The following NHEJ1 variants were observed in gnomAD, a reference collection of about 807,000 sequenced individuals.
NHEJ1 encodes non-homologous end-joining factor 1.
In NHEJ1, 22 loss-of-function variants were observed where a neutral mutation model predicts 39.4. That is an observed-to-expected ratio of 0.56 (90% CI 0.40 to 0.80). The LOEUF is 0.80. Ranked by LOEUF, NHEJ1 falls within the 30% of genes least tolerant of loss-of-function variation. NHEJ1 has a pLI of 0.00. For synonymous variants in NHEJ1, 154 were observed against 135.6 expected (o/e 1.14, Z -0.94); for missense variants, 329 against 357.1 (o/e 0.92, Z 0.63).
At chr2:219,129,273 G>A (rs1949554497) in intron 5 of NHEJ1, among the ~76,000 whole-genome samples, 1 of 152,204 alleles carries the variant, frequency 6.6e-6, no homozygotes, top group South Asian at 2.1e-4. Flanking sequence ...CAAGGAGTTA[G>A]CTAGGAAGTT....
At chr2:219,128,069 A>C (rs1185596347) in intron 5 of NHEJ1, among the ~76,000 whole-genome samples, 1 of 152,240 alleles carries the variant, frequency 6.6e-6, no homozygotes, top group Non-Finnish European at 1.5e-5. Context: ...TCCATTAGGA[A>C]ATAGCTCAAC....
rs117345753 is a variant in NHEJ1 at position 219,096,219 on chromosome 2, G to A, written c.589-18013C>T. On this transcript the variant is annotated intron_variant, in intron 5 of 7. Transcript: ENST00000356853. ...GAACTTTGCAAGACTAATCCCTCAG[G>A]AGAAGAATACTTGAGGACACAGGAG... is the stretch of plus-strand genomic sequence containing the variant. Among the ~76,000 whole-genome samples, 81 of 152,242 alleles carry A rather than the reference G, an allele frequency of 5.3e-4. No individual in the cohort carries two copies. The East Asian group carries it at 9.4e-3, about 18-fold the overall frequency.
rs1287321105 is a variant in NHEJ1 at position 219,074,348 on chromosome 2, G to A, written c.*2033C>T. 2.0e-5 allele frequency among the ~76,000 whole-genome samples: 3 copies of A among 152,156 alleles called. No homozygotes were observed. The highest frequency in any genetic ancestry group is 4.4e-5 in the Non-Finnish European group (3 of 68,044). On this transcript the variant is annotated 3_prime_UTR_variant, in exon 8 of 8. Coordinates refer to ENST00000356853, the MANE Select transcript of NHEJ1 (RefSeq NM_024782.3). Reference sequence around the variant, plus strand: ...CTGTTACAGTACAGGGAATGCCCAGGGTGAAGAACCGGTATTTTCTCCAAG... The same window carrying A: ...CTGTTACAGTACAGGGAATGCCCAGAGTGAAGAACCGGTATTTTCTCCAAG...
Position 219,158,263 on chromosome 2 carries a change from A to C in NHEJ1, c.100T>G (p.Tyr34Asp). 6.2e-7 allele frequency: 1 copy of C among 1,614,252 alleles called. No individual in the cohort carries two copies. The highest frequency in any genetic ancestry group is 2.2e-5 in the East Asian group (1 of 44,892). ...TGAAGATCTGAAACCAACAAGGCAT[A>C]GCCCTGCTTGGTGATAAAAACCTTG... The part of the protein sequence containing the change: ...LAKVFITKQG[Y>D]ALLVSDLQQV... Residue 34 changes from tyrosine to aspartate, a missense_variant, in exon 2 of 8, where the codon TAT becomes GAT. Coordinates refer to ENST00000356853, the MANE Select transcript of NHEJ1 (RefSeq NM_024782.3).
At chr2:219,086,767 G>T (rs539334081) in intron 5 of NHEJ1, among the ~76,000 whole-genome samples, 1 of 152,132 alleles carries the variant, frequency 6.6e-6, no homozygotes, top group Non-Finnish European at 1.5e-5. Context: ...GCTCTCATAA[G>T]AGCCCTTTGT....
intron 3 of NHEJ1, among the ~76,000 whole-genome samples, chr2:219,155,608 T>C (rs1005227449): frequency 6.6e-6 from 1 of 152,108 alleles, no homozygotes; most frequent in African/African-American, 2.4e-5. Context: ...CAGTTCTAGT[T>C]TTACTGGGCT....
intron 5 of NHEJ1, among the ~76,000 whole-genome samples, chr2:219,101,934 C>T (rs1949265219): frequency 6.6e-6 from 1 of 150,870 alleles, no homozygotes; most frequent in Non-Finnish European, 1.5e-5. Flanking sequence ...CCATGTTGGC[C>T]AAGATGGTCT....
chr2:219,148,987 G>T (rs1283693959), intron 3 of NHEJ1, among the ~76,000 whole-genome samples: 1 of 151,784 alleles, frequency 6.6e-6, no homozygotes. Flanking sequence ...AGGTTCAAGC[G>T]ATTCTCCTGC....
At chr2:219,085,498 G>A (rs1378641) in intron 5 of NHEJ1, among the ~76,000 whole-genome samples, 86,863 of 152,032 alleles carry the variant, frequency 0.57, 26,143 homozygotes, top group Non-Finnish European at 0.67. Flanking sequence ...ACACTGCCCT[G>A]TGTTTGGTCT....
intron 5 of NHEJ1, among the ~76,000 whole-genome samples, chr2:219,112,030 T>C (rs1949370694): frequency 6.6e-6 from 1 of 152,102 alleles, no homozygotes; most frequent in African/African-American, 2.4e-5. Flanking sequence ...TAAGGCAGTC[T>C]CTGAAAGTGG....
At chr2:219,151,127 C>CAAAAA (rs59576120) in intron 3 of NHEJ1, among the ~76,000 whole-genome samples, 1 of 55,986 alleles carries the variant, frequency 1.8e-5, no homozygotes, top group East Asian at 6.3e-4. Flanking sequence ...GACCTTATCT[C>CAAAAA]AAAAAAAAAA....
At chr2:219,120,176 C>T (rs6436113) in intron 5 of NHEJ1, among the ~76,000 whole-genome samples, 107,692 of 152,088 alleles carry the variant, frequency 0.71, 38,698 homozygotes, top group Non-Finnish European at 0.77. Flanking sequence ...AGTAAGTTCA[C>T]TGAGCAGTCA....
At chr2:219,152,377 G>C (rs544726534) in intron 3 of NHEJ1, among the ~76,000 whole-genome samples, 1 of 152,080 alleles carries the variant, frequency 6.6e-6, no homozygotes, top group Non-Finnish European at 1.5e-5. Flanking sequence ...AGGCTAAAGC[G>C]GGAGAATCAC....
chr2:219,130,778 T>C (rs1316655062), intron 5 of NHEJ1, among the ~76,000 whole-genome samples: 3 of 152,126 alleles, frequency 2.0e-5, no homozygotes, highest in Non-Finnish European at 4.4e-5. Flanking sequence ...CAAATAATAG[T>C]CTGTGATGTG....
At chr2:219,122,279 C>T (rs1218101247) in intron 5 of NHEJ1, among the ~76,000 whole-genome samples, 1 of 152,224 alleles carries the variant, frequency 6.6e-6, no homozygotes, top group Non-Finnish European at 1.5e-5. Flanking sequence ...CTAATTTCCC[C>T]ACCAGGGAAT....
At chr2:219,155,750 G>A (rs1949847955) in intron 3 of NHEJ1, among the ~76,000 whole-genome samples, 1 of 149,122 alleles carries the variant, frequency 6.7e-6, no homozygotes, top group South Asian at 2.1e-4. Context: ...ATGAAACCCT[G>A]TCTCTACTAA....
At chr2:219,147,448 C>T (rs528907575) in intron 4 of NHEJ1, among the ~76,000 whole-genome samples, 1 of 152,344 alleles carries the variant, frequency 6.6e-6, no homozygotes, top group East Asian at 1.9e-4. Context: ...TACCACTACA[C>T]TCCAGCCTAG....
At chr2:219,116,088 C>G (rs1475658042) in intron 5 of NHEJ1, among the ~76,000 whole-genome samples, 5 of 152,150 alleles carry the variant, frequency 3.3e-5, no homozygotes, top group Admixed American at 2.6e-4. Context: ...CCATTGCACT[C>G]CAGCCTGGCA....
intron 5 of NHEJ1, among the ~76,000 whole-genome samples, chr2:219,081,644 C>T (rs1461060809): frequency 6.6e-6 from 1 of 152,220 alleles, no homozygotes; most frequent in African/African-American, 2.4e-5. Context: ...AGAGTTCCTA[C>T]TTCAAAGAGT....
Sources: gnomAD v4.1 joint callset for allele counts (sites outside exome capture counted in the v4.1 genomes callset) on GRCh38, gnomAD v4.1.1 for gene constraint, MANE v1.5 for transcripts, NCBI Gene and HGNC (gene_info 2026-07-23, HGNC 2026-07-21) for gene names.